ACOT7: variants seen among roughly 807,000 people sequenced by gnomAD.
The protein encoded by ACOT7 is acyl-CoA thioesterase 7, also known as cytosolic acyl coenzyme A thioester hydrolase.
A neutral mutation model predicts 40.2 loss-of-function variants in ACOT7; 12 were observed. The observed-to-expected ratio is 0.30, with a 90% CI of 0.19 to 0.48. ACOT7 has a LOEUF of 0.48. ACOT7 is among the 20% of genes least tolerant of loss of function. The pLI is 0.99. For synonymous variants in ACOT7, 228 were observed against 219.5 expected (o/e 1.04, Z -0.34); for missense variants, 395 against 530.8 (o/e 0.74, Z 2.51).
intron 2 of ACOT7, among the ~76,000 whole-genome samples, chr1:6,346,724 G>C (rs1641435553): frequency 6.6e-6 from 1 of 152,254 alleles, no homozygotes; most frequent in Non-Finnish European, 1.5e-5. Flanking sequence ...CCAGGAGGCT[G>C]CTGCAGTGAT....
chr1:6,329,324 T>C (rs1208897055), intron 4 of ACOT7, among the ~76,000 whole-genome samples: 3 of 151,846 alleles, frequency 2.0e-5, no homozygotes, highest in African/African-American at 7.3e-5. Context: ...CTGTGGGGAG[T>C]GTTTTAAGTT....
At chr1:6,331,435 A>G (rs903730181) in intron 4 of ACOT7, among the ~76,000 whole-genome samples, 6 of 152,260 alleles carry the variant, frequency 3.9e-5, no homozygotes, top group Non-Finnish European at 2.9e-5. Context: ...TGGAGACGCC[A>G]GGAGGGATCC....
At chr1:6,292,325 T>C (rs1028716954) in intron 7 of ACOT7, among the ~76,000 whole-genome samples, 3 of 152,222 alleles carry the variant, frequency 2.0e-5, no homozygotes, top group Non-Finnish European at 4.4e-5. Flanking sequence ...TGGGTGTGGC[T>C]TGGGACAGCG....
intron 8 of ACOT7, among the ~76,000 whole-genome samples, chr1:6,266,045 A>T (rs1439362237): frequency 6.6e-6 from 1 of 152,176 alleles, no homozygotes; most frequent in South Asian, 2.1e-4. Context: ...TCGGGTATTT[A>T]AAGAAATAGG....
At chr1:6,321,958 C>T (rs925539504) in intron 5 of ACOT7, among the ~76,000 whole-genome samples, 2 of 152,238 alleles carry the variant, frequency 1.3e-5, no homozygotes, top group Non-Finnish European at 2.9e-5. Flanking sequence ...ACTAAATTCC[C>T]CTGAGGCCCA....
chr1:6,272,772 A>C (rs966674116), intron 8 of ACOT7, among the ~76,000 whole-genome samples: 3 of 152,172 alleles, frequency 2.0e-5, no homozygotes, highest in Middle Eastern at 3.2e-3. Context: ...AGGACCTCAC[A>C]TGGGCCCAAC....
intron 1 of ACOT7, among the ~76,000 whole-genome samples, chr1:6,378,437 C>T (rs1557673916): frequency 1.3e-5 from 2 of 151,972 alleles, no homozygotes; most frequent in East Asian, 3.8e-4. Flanking sequence ...TTCTCCCAGT[C>T]CCGGGCTCAT....
intron 6 of ACOT7, among the ~76,000 whole-genome samples, chr1:6,314,189 G>A (rs1156231928): frequency 6.6e-6 from 1 of 152,102 alleles, no homozygotes; most frequent in Non-Finnish European, 1.5e-5. Context: ...TCGAGGGAAA[G>A]TAATCACAGT....
chr1:6,267,649 T>G (rs1236077422), intron 8 of ACOT7, among the ~76,000 whole-genome samples: 1 of 152,242 alleles, frequency 6.6e-6, no homozygotes, highest in African/African-American at 2.4e-5. Context: ...TCAAATCTGT[T>G]TAACTTTCGC....
chr1:6,363,465 G>C (rs1326965758), intron 1 of ACOT7, among the ~76,000 whole-genome samples: 1 of 152,188 alleles, frequency 6.6e-6, no homozygotes, highest in East Asian at 1.9e-4. Context: ...GTCTCCCTGT[G>C]ATGCTGTGCT....
intron 1 of ACOT7, among the ~76,000 whole-genome samples, chr1:6,382,170 T>C (rs569190241): frequency 6.7e-6 from 1 of 148,182 alleles, no homozygotes; most frequent in East Asian, 2.0e-4. Context: ...TCCCAACACT[T>C]TGGGAGGCCG....
intron 6 of ACOT7, among the ~76,000 whole-genome samples, chr1:6,305,097 A>T (rs1363075512): frequency 1.7e-5 from 2 of 117,532 alleles, no homozygotes; most frequent in Non-Finnish European, 1.7e-5. Flanking sequence ...TCCCTCCCGG[A>T]TGGGGCGGCT....
At chr1:6,327,443 A>C in intron 4 of ACOT7, 30 bp from the exon 5 acceptor site, 1 of 1,610,328 alleles carries the variant, frequency 6.2e-7, no homozygotes. Context: ...GGTCAGGCCC[A>C]GGCAGGACAC....
intron 2 of ACOT7, among the ~76,000 whole-genome samples, 154 bp from the exon 3 acceptor site, chr1:6,339,743 T>TC (rs1641213337): frequency 1.3e-5 from 2 of 150,030 alleles, no homozygotes; most frequent in Admixed American, 6.6e-5. Flanking sequence ...ACCGCGGTTT[T>TC]TTTTTTTTTT....
rs1160523205 is a variant in ACOT7, at chr1:6,275,248, A to T, written c.1014+5854T>A. Reference sequence around the variant, plus strand: ...ATCCAGCTGCCCTGGCTTCCTAACCAGAAAACAAACCTGCTGAGAATGGCC... The same window carrying T: ...ATCCAGCTGCCCTGGCTTCCTAACCTGAAAACAAACCTGCTGAGAATGGCC... On this transcript the variant is annotated intron_variant, in intron 8 of 8. Transcript: ENST00000361521. This position sits in a 1 kb window ranked among gnomAD's most constrained non-coding sequence, Gnocchi z 5.6. 2.0e-5 allele frequency among the ~76,000 whole-genome samples: 3 copies of T among 152,228 alleles called. No individual in the cohort carries two copies. The South Asian group carries it at 6.2e-4, about 32-fold the overall frequency.
At chr1:6,296,736 T>C (rs1639823557) in intron 6 of ACOT7, among the ~76,000 whole-genome samples, 1 of 151,974 alleles carries the variant, frequency 6.6e-6, no homozygotes, top group Non-Finnish European at 1.5e-5. Flanking sequence ...ACTTTTTAAT[T>C]TATTTTTTAT....
intron 5 of ACOT7, among the ~76,000 whole-genome samples, chr1:6,322,804 C>T (rs916033927): frequency 1.3e-5 from 2 of 152,164 alleles, no homozygotes; most frequent in African/African-American, 4.8e-5. Context: ...CACAATTTAG[C>T]AACCATGACC....
At chr1:6,326,107 C>CTG (rs1389466166) in intron 5 of ACOT7, among the ~76,000 whole-genome samples, 32 of 152,230 alleles carry the variant, frequency 2.1e-4, no homozygotes, top group African/African-American at 7.7e-4. Flanking sequence ...ATGAGGTACC[C>CTG]TGTGGAACCC....
intron 2 of ACOT7, among the ~76,000 whole-genome samples, chr1:6,341,107 T>A (rs914844541): frequency 3.9e-5 from 6 of 152,058 alleles, no homozygotes; most frequent in Middle Eastern, 3.4e-3. Flanking sequence ...ATGGGAAAAA[T>A]AATCTGCCCG....
Sources: allele counts gnomAD v4.1 joint callset (sites outside exome capture counted in the v4.1 genomes callset), GRCh38; gene constraint gnomAD v4.1.1; non-coding constraint Gnocchi (gnomAD v3.1); transcripts MANE v1.5; gene names NCBI Gene and HGNC (gene_info 2026-07-23, HGNC 2026-07-21).